Variants in SFR1 observed in about 807,000 individuals in gnomAD.
The protein encoded by SFR1 is swi5-dependent recombination DNA repair protein 1 homolog.
SFR1 carries 24 observed loss-of-function variants against 26.2 expected under a neutral mutation model. The observed-to-expected ratio is 0.92, with a 90% CI of 0.66 to 1.29. The LOEUF is 1.29. SFR1 is among the 50% of genes most tolerant of loss of function. The pLI is 0.00. For synonymous variants in SFR1, 77 were observed against 96.6 expected, an observed-to-expected ratio of 0.80 and a Z score of 1.19; for missense variants, 276 against 270.2, an observed-to-expected ratio of 1.02 and a Z score of -0.15.
intron 1 of SFR1, chr10:104,122,429 C>T: frequency 2.0e-6 from 2 of 985,428 alleles, no homozygotes; most frequent in Non-Finnish European, 1.2e-6. Context: ...TTTCAGTCCA[C>T]TCTCCTTTTC....
At chr10:104,120,319 GGTGA>G (rs1262235680), upstream of SFR1, among the ~76,000 whole-genome samples, 4 of 152,300 alleles carry the variant, frequency 2.6e-5, no homozygotes, top group South Asian at 2.1e-4. Flanking sequence ...AGCTTGGTGA[GGTGA>G]GTAACACCTT....
upstream of SFR1, among the ~76,000 whole-genome samples, chr10:104,121,875 C>T (rs1000593197): frequency 2.0e-5 from 3 of 152,178 alleles, no homozygotes; most frequent in South Asian, 2.1e-4. Flanking sequence ...AGACCTGCTG[C>T]GGATCGCGGC....
At chr10:104,121,875 C>A (rs1000593197), upstream of SFR1, among the ~76,000 whole-genome samples, 1 of 152,178 alleles carries the variant, frequency 6.6e-6, no homozygotes, top group South Asian at 2.1e-4. Flanking sequence ...AGACCTGCTG[C>A]GGATCGCGGC....
upstream of SFR1, among the ~76,000 whole-genome samples, chr10:104,121,279 A>C (rs2134697431): frequency 6.6e-6 from 1 of 152,282 alleles, no homozygotes; most frequent in African/African-American, 2.4e-5. Flanking sequence ...GATTTGAGTA[A>C]AAGATTTGAG....
Position 104,123,985 on chromosome 10 carries a change from G to A in SFR1, c.407G>A (p.Ser136Asn). Reference sequence around the variant, plus strand: ...CAGTCACTTGATTCTGGATCATGCAGTGCTCTCCAAAATGAGTTTGTGAGT... The same window carrying A: ...CAGTCACTTGATTCTGGATCATGCAATGCTCTCCAAAATGAGTTTGTGAGT... ...ESQSLDSGSCSALQNEFVSEK... is the reference protein window; with the variant it reads ...ESQSLDSGSCNALQNEFVSEK... Residue 136 changes from serine to asparagine, a missense_variant, in exon 3 of 4, where the codon AGT (serine) becomes AAT (asparagine). By Grantham distance (46) the Ser-to-Asn change is conservative (BLOSUM62 1). Coordinates refer to ENST00000369727, the MANE Select transcript of SFR1 (RefSeq NM_001002759.2). 6.2e-7 allele frequency: 1 copy of A among 1,614,044 alleles called. No homozygotes were observed. The highest frequency in any genetic ancestry group is 1.1e-5 in the South Asian group (1 of 91,080).
At chr10:104,122,938 G>A (rs368143173) in intron 1 of SFR1, 27 bp from the exon 2 acceptor site, 28 of 1,608,296 alleles carry the variant, frequency 1.7e-5, no homozygotes, top group Non-Finnish European at 2.0e-5. Flanking sequence ...TGGTTAATTC[G>A]ATTATTTTAT....
Position 104,123,013 on chromosome 10 carries a change from C to T in SFR1, c.62C>T (p.Ala21Val). ...AAGATGGAAAGTCCGTCAGACTCAG[C>T]TGTGGTTTTACCTAGCACTCCTCAG... The part of the protein sequence containing the change: ...TFKMESPSDS[A>V]VVLPSTPQAS... Residue 21 changes from alanine (A) to valine (V), a missense_variant, in exon 2 of 4, where the codon GCT (alanine) becomes GTT (valine). Coordinates refer to ENST00000369727, the MANE Select transcript of SFR1 (RefSeq NM_001002759.2). The T allele has an allele frequency of 6.2e-7, 1 of 1,613,852 alleles. No homozygotes were observed. Among genetic ancestry groups the T allele is most frequent in the Non-Finnish European group, 8.5e-7 (1 of 1,179,918 alleles).
Position 104,125,759 on chromosome 10 carries a change from CT to C in SFR1, c.*57del. ...AGAATGACAACTTAATTAAAAGATACTTAGGCACTTTTTTTTTTTTTTTGAG... is the reference window on the plus strand; with the variant it reads ...AGAATGACAACTTAATTAAAAGATACTAGGCACTTTTTTTTTTTTTTTGAG... On this transcript the variant is annotated 3_prime_UTR_variant, in exon 4 of 4. Transcript: ENST00000369727. 3.3e-6 allele frequency: 4 copies of C among 1,202,928 alleles called. No individual in the cohort carries two copies. The highest frequency in any genetic ancestry group is 4.7e-6 in the Non-Finnish European group (4 of 857,614). The allele number at this position is 1,202,928 out of a possible 1,614,324, so 74.5% of individuals were successfully genotyped here.
At chr10:104,120,669 C>A (rs2086952165), upstream of SFR1, among the ~76,000 whole-genome samples, 1 of 152,162 alleles carries the variant, frequency 6.6e-6, no homozygotes, top group African/African-American at 2.4e-5. Context: ...CTGCCTCTCA[C>A]CAGTTCTCAT....
At chr10:104,121,696 G>C (rs1029581243), upstream of SFR1, among the ~76,000 whole-genome samples, 1 of 152,194 alleles carries the variant, frequency 6.6e-6, no homozygotes, top group Non-Finnish European at 1.5e-5. Flanking sequence ...TGGAGGCGGC[G>C]GGCTGGCGGG....
upstream of SFR1, chr10:104,122,169 T>A: frequency 1.3e-6 from 2 of 1,549,282 alleles, no homozygotes; most frequent in Non-Finnish European, 1.7e-6. Flanking sequence ...GCGCGCTTTT[T>A]TGCTCTCGCT....
At chr10:104,122,645 C>T (rs1589592051) in intron 1 of SFR1, 2 of 1,316,196 alleles carry the variant, frequency 1.5e-6, no homozygotes, top group Non-Finnish European at 9.7e-7. Flanking sequence ...ATAAAGAATT[C>T]CTGATTATCT....
In SFR1 at chr10:104,122,188, C is replaced by G. The variant is rs998966218; in HGVS notation, c.5C>G (p.Ala2Gly). 47 of 1,546,964 alleles carry G rather than the reference C, an allele frequency of 3.0e-5. No homozygotes were observed. Among genetic ancestry groups the G allele is most frequent in the Admixed American group, 2.2e-4 (11 of 50,794 alleles). The change falls in exon 1 of 4, where the codon GCG becomes GGG. Residue 2 changes from alanine (A) to glycine (G), a missense_variant. By Grantham distance (60) the Ala-to-Gly change is moderately conservative. Coordinates refer to ENST00000369727, the MANE Select transcript of SFR1 (RefSeq NM_001002759.2). MAEGEKNQDFTF... is the reference protein window; with the variant it reads MGEGEKNQDFTF... ...GCTTTTTTGCTCTCGCTGGGAATGG[C>G]GGAGGGAGGTACCCTGCTGAGGGGA...
In SFR1 at chr10:104,124,012, A is replaced by G. The variant is rs1372272158; in HGVS notation, c.434A>G (p.Glu145Gly). The change falls in exon 3 of 4, where the codon GAG (glutamate) becomes GGG (glycine). Residue 145 changes from glutamate (E) to glycine (G), a missense_variant. By Grantham distance (98) the Glu-to-Gly change is moderately conservative. Coordinates refer to ENST00000369727, the MANE Select transcript of SFR1 (RefSeq NM_001002759.2). The part of the protein sequence containing the change: ...CSALQNEFVS[E>G]KLPKQRLNAE... ...GCTCTCCAAAATGAGTTTGTGAGTG[A>G]GAAGCTTCCTAAACAAAGATTAAAC... 1 of 1,613,944 alleles carries G rather than the reference A, an allele frequency of 6.2e-7. No homozygotes were observed. Among genetic ancestry groups the G allele is most frequent in the East Asian group, 2.2e-5 (1 of 44,846 alleles).
intron 3 of SFR1, 98 bp from the exon 4 acceptor site, chr10:104,125,415 T>A: frequency 2.3e-6 from 2 of 887,588 alleles, no homozygotes; most frequent in Non-Finnish European, 3.5e-6. Context: ...CCTGTGTATG[T>A]TAGCCTTTAA....
Position 104,124,002 on chromosome 10 carries a change from T to A in SFR1, c.424T>A (p.Phe142Ile), listed in dbSNP as rs2086998529. 4 of 1,613,916 alleles carry A rather than the reference T, an allele frequency of 2.5e-6. No individual in the cohort carries two copies. The highest frequency in any genetic ancestry group is 3.4e-6 in the Non-Finnish European group (4 of 1,179,948). ...ATCATGCAGTGCTCTCCAAAATGAG[T>A]TTGTGAGTGAGAAGCTTCCTAAACA... ...SGSCSALQNE[F>I]VSEKLPKQRL... Residue 142 changes from phenylalanine to isoleucine, a missense_variant, in exon 3 of 4, where the codon TTT (phenylalanine) becomes ATT (isoleucine). Coordinates refer to ENST00000369727, the MANE Select transcript of SFR1 (RefSeq NM_001002759.2).
intron 1 of SFR1, 156 bp downstream of exon 1, chr10:104,122,352 G>C: frequency 3.0e-6 from 3 of 985,338 alleles, no homozygotes; most frequent in Non-Finnish European, 3.6e-6. Context: ...GCAACGGGGG[G>C]AAGGAGGGGA....
chr10:104,122,439 C>T (rs2086974698), intron 1 of SFR1: 8 of 985,442 alleles, frequency 8.1e-6, no homozygotes, highest in Non-Finnish European at 8.4e-6. Flanking sequence ...CTCTCCTTTT[C>T]AGTCCCTGTT....
rs546841868 is a variant in SFR1 at position 104,122,529 on chromosome 10, C to T, written c.13+333C>T. On this transcript the variant is annotated intron_variant, in intron 1 of 3. Transcript: ENST00000369727. ...CTTATGCCTCGGGCCGGCAGGGTAACGGGTTCTAGTCACAGCTTGTAGAGT... is the reference window on the plus strand; with the variant it reads ...CTTATGCCTCGGGCCGGCAGGGTAATGGGTTCTAGTCACAGCTTGTAGAGT... 1.1e-4 allele frequency: 106 copies of T among 985,376 alleles called. 1 individual carries two copies. In the Middle Eastern group the frequency reaches 3.1e-3, roughly 29 times the overall value. The allele number at this position is 985,376 out of a possible 1,614,324, so 61.0% of individuals were successfully genotyped here.
Sources: gnomAD v4.1 joint callset for allele counts (sites outside exome capture counted in the v4.1 genomes callset) on GRCh38, gnomAD v4.1.1 for gene constraint, MANE v1.5 for transcripts, NCBI Gene and HGNC (gene_info 2026-07-23, HGNC 2026-07-21) for gene names.